The following NBEAL1 variants were observed in gnomAD, a reference collection of about 807,000 sequenced individuals.
The protein encoded by NBEAL1 is neurobeachin like 1, also known as neurobeachin-like protein 1.
A neutral mutation model predicts 351.3 loss-of-function variants in NBEAL1; 273 were observed. That is an observed-to-expected ratio of 0.78 (90% CI 0.70 to 0.86). The LOEUF (loss-of-function observed/expected upper bound fraction) is 0.86, where lower values mean the gene tolerates loss of function less well. Among genes scored for constraint, NBEAL1 ranks in the 40% least tolerant of loss-of-function variants. The pLI, the probability that NBEAL1 is intolerant of heterozygous loss-of-function variation, is 0.00. For missense variants in NBEAL1, 2,961 were observed against 3,201.3 expected (o/e 0.92, Z 1.81); for synonymous variants, 1,050 against 1,086.4 (o/e 0.97, Z 0.66).
At chr2:203,140,421 A>G (rs769427328) in intron 31 of NBEAL1, among the ~76,000 whole-genome samples, 7 of 152,052 alleles carry the variant, frequency 4.6e-5, no homozygotes, top group Non-Finnish European at 8.8e-5. Flanking sequence ...TTCTATGAAT[A>G]TATCTTTTTC....
chr2:203,123,291 C>A (rs561232065), intron 19 of NBEAL1, among the ~76,000 whole-genome samples: 1 of 151,396 alleles, frequency 6.6e-6, no homozygotes, highest in Admixed American at 6.6e-5. Context: ...GGATTTTTCT[C>A]CTTAATTTTG....
At chr2:203,163,120 G>A (rs1215707123) in intron 36 of NBEAL1, among the ~76,000 whole-genome samples, 2 of 152,190 alleles carry the variant, frequency 1.3e-5, no homozygotes, top group African/African-American at 2.4e-5. Context: ...TTGCACCACT[G>A]CACTCCAGCC....
At chr2:203,129,082 T>C (rs2106292034) in intron 24 of NBEAL1, among the ~76,000 whole-genome samples, 1 of 152,334 alleles carries the variant, frequency 6.6e-6, no homozygotes, top group South Asian at 2.1e-4. Context: ...GATATACTAC[T>C]GATTCAACTG....
intron 2 of NBEAL1, among the ~76,000 whole-genome samples, chr2:203,032,020 T>C (rs1056924459): frequency 2.6e-5 from 4 of 152,220 alleles, no homozygotes; most frequent in African/African-American, 9.6e-5. Flanking sequence ...AGTTGTTCTT[T>C]ATTATTTTTT....
intron 38 of NBEAL1, among the ~76,000 whole-genome samples, chr2:203,169,099 C>A (rs189606452): frequency 6.6e-6 from 1 of 151,994 alleles, no homozygotes; most frequent in East Asian, 1.9e-4. Flanking sequence ...AGCAAGTTTT[C>A]TAATTCCAAG....
chr2:203,067,254 A>G (rs769736628), intron 6 of NBEAL1, among the ~76,000 whole-genome samples: 1 of 152,378 alleles, frequency 6.6e-6, no homozygotes. Context: ...AGGAAGATCT[A>G]TTAATGTTCT....
chr2:203,179,665 C>T (rs2064639122), intron 42 of NBEAL1, among the ~76,000 whole-genome samples: 1 of 152,014 alleles, frequency 6.6e-6, no homozygotes, highest in Admixed American at 6.5e-5. Flanking sequence ...CAGCAGCGTT[C>T]CTATAGATCT....
At chr2:203,063,094 T>C (rs1218595752) in intron 6 of NBEAL1, among the ~76,000 whole-genome samples, 2 of 152,220 alleles carry the variant, frequency 1.3e-5, no homozygotes, top group African/African-American at 4.8e-5. Flanking sequence ...TTTTGTAGAT[T>C]TGATTAATCT....
intron 7 of NBEAL1, among the ~76,000 whole-genome samples, chr2:203,076,285 C>A (rs1350612298): frequency 6.6e-6 from 1 of 151,836 alleles, no homozygotes. Flanking sequence ...GAGTTTGAGA[C>A]CAGCCTGGAC....
intron 51 of NBEAL1, among the ~76,000 whole-genome samples, chr2:203,206,956 T>C (rs1575130375): frequency 2.3e-5 from 3 of 128,934 alleles, no homozygotes; most frequent in African/African-American, 9.0e-5. Context: ...CCGGCCGCCA[T>C]CCCAACTAGG....
intron 51 of NBEAL1, among the ~76,000 whole-genome samples, chr2:203,207,715 C>T (rs1304673793): frequency 6.6e-6 from 1 of 152,194 alleles, no homozygotes; most frequent in Non-Finnish European, 1.5e-5. Context: ...TTGAAGGCAG[C>T]ATGCTCGTTA....
chr2:203,090,896 G>C (rs1160277209), intron 10 of NBEAL1, among the ~76,000 whole-genome samples: 1 of 143,896 alleles, frequency 6.9e-6, no homozygotes, highest in Non-Finnish European at 1.5e-5. Context: ...CTTAAGAAAA[G>C]AAAAGAAAAG....
At position 203,217,888 on chromosome 2, in the gene NBEAL1, A is replaced by G. The variant is rs977404541; in HGVS notation, c.*534A>G. On this transcript the variant is annotated 3_prime_UTR_variant, in exon 56 of 56. Transcript: ENST00000683969. ...GTAAGAATAAAATAAGAATATTGAA[A>G]CTGGTACATTAGCTAATTCTATTAC... is the stretch of plus-strand genomic sequence containing the variant. 1 of 983,162 alleles carries G rather than the reference A, an allele frequency of 1.0e-6. No homozygotes were observed. Among genetic ancestry groups the G allele is most frequent in the African/African-American group, 1.7e-5 (1 of 57,226 alleles). 60.9% of individuals were successfully genotyped at this position (983,162 alleles called of 1,614,324 possible). A position where few individuals can be genotyped will look rare whatever the true frequency, so the allele number is the denominator to read the frequency against.
At chr2:203,076,302 G>T (rs1421939798) in intron 7 of NBEAL1, among the ~76,000 whole-genome samples, 1 of 151,808 alleles carries the variant, frequency 6.6e-6, no homozygotes, top group Non-Finnish European at 1.5e-5. Context: ...GGACAACATT[G>T]CAAAACCCTG....
intron 2 of NBEAL1, among the ~76,000 whole-genome samples, chr2:203,032,689 CAG>C (rs2060970093): frequency 1.3e-5 from 1 of 78,562 alleles, no homozygotes; most frequent in Non-Finnish European, 2.4e-5. Context: ...TTTTTTTAGA[CAG>C]AGTCTCACTG....
chr2:203,172,834 G>A lies in NBEAL1; in HGVS notation c.6304G>A (p.Ala2102Thr), dbSNP rs764189215. The A allele has an allele frequency of 1.7e-5, 27 of 1,607,062 alleles. No individual in the cohort carries two copies. The highest frequency in any genetic ancestry group is 1.7e-4 in the South Asian group (15 of 89,644). Residue 2102 changes from alanine (A) to threonine (T), a missense_variant, in exon 41 of 56, where the codon GCC becomes ACC. Coordinates refer to ENST00000683969, the MANE Select transcript of NBEAL1 (RefSeq NM_001378026.1). ...KPIGVVNEKNAKAMREKYENF... is the reference protein window; with the variant it reads ...KPIGVVNEKNTKAMREKYENF... ...AATTGGGGTAGTTAATGAAAAAAAC[G>A]CCAAAGCTATGAGAGAAAAGTAAGT...
intron 33 of NBEAL1, among the ~76,000 whole-genome samples, chr2:203,148,526 G>A (rs904916533): frequency 2.0e-5 from 3 of 151,892 alleles, no homozygotes; most frequent in East Asian, 3.9e-4. Context: ...GCCAGTCTTC[G>A]GTTTGTTTCT....
At chr2:203,026,513 T>G (rs986104832) in intron 2 of NBEAL1, among the ~76,000 whole-genome samples, 1 of 152,054 alleles carries the variant, frequency 6.6e-6, no homozygotes, top group African/African-American at 2.4e-5. Flanking sequence ...TAAATTTTTT[T>G]TTTTTTTTTG....
chr2:203,183,938 C>T (rs779460559), intron 44 of NBEAL1, among the ~76,000 whole-genome samples: 26 of 151,932 alleles, frequency 1.7e-4, no homozygotes, highest in Non-Finnish European at 2.9e-4. Flanking sequence ...ATTAGCCAGG[C>T]GTGGTGGCGC....
Sources: allele counts gnomAD v4.1 joint callset (sites outside exome capture counted in the v4.1 genomes callset), GRCh38; gene constraint gnomAD v4.1.1; transcripts MANE v1.5; gene names NCBI Gene and HGNC (gene_info 2026-07-23, HGNC 2026-07-21).